SLC25A12: variants seen among roughly 807,000 people sequenced by gnomAD.
SLC25A12 encodes solute carrier family 25 member 12.
Under a neutral mutation model 83.3 loss-of-function variants are expected in SLC25A12, and 32 were observed. The observed-to-expected ratio is 0.38, with a 90% CI of 0.29 to 0.52. The LOEUF is 0.52. Among genes scored for constraint, SLC25A12 ranks in the 20% least tolerant of loss-of-function variants. SLC25A12 has a pLI of 0.84. For synonymous variants in SLC25A12, 267 were observed against 291.1 expected (o/e 0.92, Z 0.84); for missense variants, 611 against 835.6 (o/e 0.73, Z 3.31).
rs760151618 is a variant in SLC25A12 at position 171,815,192 on chromosome 2, C to A, written c.941G>T (p.Gly314Val). ...LAELQRQQSPGLGRPIWLQIA... is the reference protein window; with the variant it reads ...LAELQRQQSPVLGRPIWLQIA... Reference sequence around the variant, plus strand: ...CTGGAGCCAGATAGGCCTGCCTAACCCAGGAGACTGCTGCAGAGAAGAAAA... The same window carrying A: ...CTGGAGCCAGATAGGCCTGCCTAACACAGGAGACTGCTGCAGAGAAGAAAA... Residue 314 changes from glycine (G) to valine (V), a missense_variant, in exon 10 of 18, where the codon GGG becomes GTG. Around this residue, in one of 3 missense-constraint regions of SLC25A12, gnomAD observed 540 missense variants for 777.5 expected, o/e 0.69. Coordinates refer to ENST00000422440, the MANE Select transcript of SLC25A12 (RefSeq NM_003705.5). The A allele has an allele frequency of 5.6e-6, 9 of 1,613,222 alleles. No homozygotes were observed. Among genetic ancestry groups the A allele is most frequent in the Middle Eastern group, 1.7e-4 (1 of 6,060 alleles).
At chr2:171,826,770 G>T in intron 9 of SLC25A12, 28 bp downstream of exon 9, 1 of 1,271,016 alleles carries the variant, frequency 7.9e-7, no homozygotes, top group Non-Finnish European at 1.2e-6. Context: ...TTTTTTTAAG[G>T]TGATCATATT....
At chr2:171,839,963 G>A (rs1021881458) in intron 5 of SLC25A12, among the ~76,000 whole-genome samples, 2 of 152,142 alleles carry the variant, frequency 1.3e-5, no homozygotes, top group Admixed American at 6.5e-5. Context: ...TACTGTCTGA[G>A]GAGTTTAACA....
intron 3 of SLC25A12, among the ~76,000 whole-genome samples, chr2:171,860,619 C>T (rs146498816): frequency 5.7e-4 from 86 of 151,884 alleles, no homozygotes; most frequent in Non-Finnish European, 9.7e-4. Flanking sequence ...ACAACAACAA[C>T]AAAAAACCCT....
chr2:171,835,517 C>G (rs1001844815), intron 6 of SLC25A12, among the ~76,000 whole-genome samples: 6 of 152,166 alleles, frequency 3.9e-5, no homozygotes, highest in African/African-American at 1.4e-4. Context: ...TCCCTCATGC[C>G]TGAGATGGCG....
chr2:171,864,002 T>C (rs1333529766), intron 3 of SLC25A12, among the ~76,000 whole-genome samples: 4 of 152,238 alleles, frequency 2.6e-5, no homozygotes, highest in African/African-American at 9.6e-5. Flanking sequence ...TGCAAGGTTC[T>C]ATGGGACAAT....
intron 17 of SLC25A12, among the ~76,000 whole-genome samples, chr2:171,787,068 G>A (rs1451641443): frequency 6.6e-6 from 1 of 152,180 alleles, no homozygotes; most frequent in Non-Finnish European, 1.5e-5. Context: ...GGCTAGGCAC[G>A]GTAGCTCATG....
intron 13 of SLC25A12, among the ~76,000 whole-genome samples, chr2:171,806,363 G>A (rs1683829994): frequency 6.6e-6 from 1 of 152,196 alleles, no homozygotes; most frequent in South Asian, 2.1e-4. Context: ...GCTGAGGCAG[G>A]AGAATCGCAT....
chr2:171,789,903 A>G (rs1004291494), intron 15 of SLC25A12, among the ~76,000 whole-genome samples: 5 of 152,154 alleles, frequency 3.3e-5, no homozygotes, highest in African/African-American at 1.2e-4. Flanking sequence ...CACCAAAAAA[A>G]AAAAAGTGGG....
chr2:171,807,343 A>C (rs1327691552), intron 13 of SLC25A12, among the ~76,000 whole-genome samples: 1 of 152,208 alleles, frequency 6.6e-6, no homozygotes, highest in East Asian at 1.9e-4. Context: ...ACAACCCTCA[A>C]GGCAACCCAG....
intron 14 of SLC25A12, 119 bp downstream of exon 14, chr2:171,793,508 A>T: frequency 1.9e-6 from 2 of 1,038,528 alleles, no homozygotes; most frequent in Admixed American, 1.8e-5. Flanking sequence ...TTTTTGTTTG[A>T]TTTTCTGCTC....
At chr2:171,802,096 T>C (rs1012167580) in intron 13 of SLC25A12, among the ~76,000 whole-genome samples, 8 of 152,182 alleles carry the variant, frequency 5.3e-5, no homozygotes, top group Non-Finnish European at 8.8e-5. Context: ...TAAGAGATAT[T>C]TACTGAGCAA....
At chr2:171,819,215 A>G (rs1684122041) in intron 9 of SLC25A12, among the ~76,000 whole-genome samples, 1 of 134,258 alleles carries the variant, frequency 7.4e-6, no homozygotes, top group Admixed American at 8.3e-5. Context: ...TATAATATAT[A>G]ATACATATTA....
At chr2:171,836,960 GCA>G (rs3836020) in intron 6 of SLC25A12, among the ~76,000 whole-genome samples, 159 bp downstream of exon 6, 97 of 146,230 alleles carry the variant, frequency 6.6e-4, no homozygotes, top group Middle Eastern at 3.5e-3. Context: ...ACACACACAT[GCA>G]CACACACACA....
intron 2 of SLC25A12, among the ~76,000 whole-genome samples, chr2:171,892,027 A>C (rs1685949817): frequency 6.6e-6 from 1 of 152,222 alleles, no homozygotes; most frequent in Non-Finnish European, 1.5e-5. Context: ...ATCTGTTCCT[A>C]AAATAGACTC....
chr2:171,809,825 T>C, intron 12 of SLC25A12, 139 bp from the exon 13 acceptor site: 1 of 734,804 alleles, frequency 1.4e-6, no homozygotes, highest in Non-Finnish European at 2.4e-6. Flanking sequence ...AAAATTAAAG[T>C]TGTACAAATT....
chr2:171,873,840 TCTTG>T (rs1435465495), intron 2 of SLC25A12, among the ~76,000 whole-genome samples: 3 of 152,182 alleles, frequency 2.0e-5, no homozygotes, highest in Non-Finnish European at 4.4e-5. Flanking sequence ...GTCCTATACA[TCTTG>T]CTTTTGTCGA....
intron 8 of SLC25A12, among the ~76,000 whole-genome samples, chr2:171,827,571 C>T (rs115449704): frequency 2.0e-5 from 3 of 152,154 alleles, no homozygotes; most frequent in Non-Finnish European, 2.9e-5. Flanking sequence ...AGGGTGTAAC[C>T]GATAGGAAAC....
rs1426940792 is a variant in SLC25A12 at position 171,867,070 on chromosome 2, C to T, written c.209+1611G>A. On this transcript the variant is annotated intron_variant, in intron 3 of 17. Coordinates refer to ENST00000422440, the MANE Select transcript of SLC25A12 (RefSeq NM_003705.5). ...GCAGAGGCGCTCCCCACATCTCAGA[C>T]GATGGGCGGCCGGGCAGAGACGCTC... 5.3e-4 allele frequency among the ~76,000 whole-genome samples: 71 copies of T among 135,130 alleles called. No individual in the cohort carries two copies. In the South Asian group the frequency reaches 7.0e-3, roughly 13 times the overall value. 88.7% of individuals were successfully genotyped at this position (135,130 alleles called of 152,430 possible).
chr2:171,812,822 T>G (rs1683975624), intron 11 of SLC25A12, among the ~76,000 whole-genome samples: 1 of 150,338 alleles, frequency 6.7e-6, no homozygotes, highest in South Asian at 2.1e-4. Flanking sequence ...TTTTTAAACC[T>G]TCAGATGGCT....
Sources: allele counts gnomAD v4.1 joint callset (sites outside exome capture counted in the v4.1 genomes callset), GRCh38; gene constraint gnomAD v4.1.1; regional missense constraint gnomAD v4.1.1; transcripts MANE v1.5; gene names NCBI Gene and HGNC (gene_info 2026-07-23, HGNC 2026-07-21).